The following EXD1 variants were observed in gnomAD, a reference collection of about 807,000 sequenced individuals.
EXD1 encodes the protein piRNA biogenesis protein EXD1.
EXD1 carries 63 observed loss-of-function variants against 49.1 expected under a neutral mutation model. The ratio of observed to expected loss-of-function variants is 1.28; its 90% CI spans 1.05 to 1.58. The LOEUF is 1.58. Among genes scored for constraint, EXD1 ranks in the 40% most tolerant of loss-of-function variants. EXD1 has a pLI of 0.00. For synonymous variants in EXD1, 234 were observed against 239.2 expected (o/e 0.98, Z 0.20); for missense variants, 748 against 666.0 (o/e 1.12, Z -1.36).
intron 11 of EXD1, 142 bp downstream of exon 11, chr15:41,189,795 C>T: frequency 1.4e-6 from 1 of 717,038 alleles, no homozygotes; most frequent in Non-Finnish European, 2.3e-6. Context: ...ATGGATCATG[C>T]CCAAGCTGTT....
chr15:41,221,416 C>G (rs1232864825), intron 2 of EXD1, among the ~76,000 whole-genome samples: 1 of 151,548 alleles, frequency 6.6e-6, no homozygotes, highest in African/African-American at 2.4e-5. Context: ...GGACTGCAGG[C>G]TTGTGCCAGC....
chr15:41,215,558 C>A (rs1472982344), intron 6 of EXD1, among the ~76,000 whole-genome samples: 1 of 151,868 alleles, frequency 6.6e-6, no homozygotes, highest in African/African-American at 2.4e-5. Flanking sequence ...TGGTGGCGGG[C>A]ACCTGTAGTC....
In EXD1 at chr15:41,209,549, T is replaced by A; in HGVS notation, c.486A>T (p.Ala162=). ...GGCGACATACATTCGCTCCTTCTGC[T>A]GCCACACTCAGGACATTCTGCTTCT... The part of the protein sequence containing the change: ...HIKKQNVLSV[A]AEGANVCRHG... Residue 162 remains alanine (A), a synonymous_variant, in exon 7 of 12, where the codon GCA becomes GCT. Transcript: ENST00000458580. 6.2e-7 allele frequency: 1 copy of A among 1,614,218 alleles called. No homozygotes were observed.
chr15:41,192,245 A>T (rs1250225158), intron 9 of EXD1: 1 of 152,492 alleles, frequency 6.6e-6, no homozygotes, highest in Non-Finnish European at 1.5e-5. Flanking sequence ...ATGACTACAG[A>T]CACAACCCAT....
chr15:41,183,791 G>A lies in EXD1; in HGVS notation c.*140C>T. On this transcript the variant is annotated 3_prime_UTR_variant, in exon 12 of 12. Coordinates refer to ENST00000458580, the MANE Select transcript of EXD1 (RefSeq NM_001286441.2). ...CATTCTCCGCATACCAGGAACACAGGAGTAAGCAAGAGGATATAATTTTCC... is the reference window on the plus strand; with the variant it reads ...CATTCTCCGCATACCAGGAACACAGAAGTAAGCAAGAGGATATAATTTTCC... 1 of 701,760 alleles carries A rather than the reference G, an allele frequency of 1.4e-6. No individual in the cohort carries two copies. The highest frequency in any genetic ancestry group is 2.3e-5 in the South Asian group (1 of 42,962). 43.5% of individuals were successfully genotyped at this position (701,760 alleles called of 1,614,324 possible). A position where few individuals can be genotyped will look rare whatever the true frequency, so the allele number is the denominator to read the frequency against.
At chr15:41,220,487 T>C (rs1263572593) in intron 2 of EXD1, among the ~76,000 whole-genome samples, 3 of 152,178 alleles carry the variant, frequency 2.0e-5, no homozygotes, top group Non-Finnish European at 4.4e-5. Flanking sequence ...CTCGATCTCC[T>C]GACCTTGTGA....
Position 41,226,461 on chromosome 15 carries a change from T to A in EXD1, c.115A>T (p.Ile39Phe), listed in dbSNP as rs2140910100. ...ACAAGACCTTTCTTCAGGACAACAA[T>A]CTTATTAGGGTCAACATGCTGAAGC... ...GVLQHVDPNKIVVLKKVKNVE... is the reference protein window; with the variant it reads ...GVLQHVDPNKFVVLKKVKNVE... Residue 39 changes from isoleucine (I) to phenylalanine (F), a missense_variant, in exon 2 of 12, where the codon ATT (isoleucine) becomes TTT (phenylalanine). Ile to Phe is a conservative substitution (Grantham distance 21). Coordinates refer to ENST00000458580, the MANE Select transcript of EXD1 (RefSeq NM_001286441.2). The A allele has an allele frequency of 6.5e-7, 1 of 1,535,948 alleles. No individual in the cohort carries two copies. Among genetic ancestry groups the A allele is most frequent in the South Asian group, 1.2e-5 (1 of 84,046 alleles).
At chr15:41,217,334 C>T (rs2047015731) in intron 3 of EXD1, among the ~76,000 whole-genome samples, 180 bp from the exon 4 acceptor site, 1 of 152,092 alleles carries the variant, frequency 6.6e-6, no homozygotes, top group Non-Finnish European at 1.5e-5. Flanking sequence ...ATCTAAAGTA[C>T]CAAAGACTCT....
chr15:41,224,912 G>A (rs149189334), intron 2 of EXD1, among the ~76,000 whole-genome samples: 2 of 152,038 alleles, frequency 1.3e-5, no homozygotes, highest in East Asian at 3.9e-4. Context: ...GCAGCGAGCC[G>A]TGATCACACC....
rs533864531 is a variant in EXD1 at position 41,184,723 on chromosome 15, C to T, written c.1057-130G>A. ...AGGCTGAAGTGCAGTGGCACGATCT[C>T]GGCTCACTGCAAGCTCTGCCTCCTG... On this transcript the variant is annotated intron_variant, in intron 11 of 11. Transcript: ENST00000458580. The T allele has an allele frequency of 1.5e-4, 138 of 923,800 alleles. No homozygotes were observed. The South Asian group carries it at 2.4e-3, about 16-fold the overall frequency. The allele number at this position is 923,800 out of a possible 1,614,324, so 57.2% of individuals were successfully genotyped here. A position where few individuals can be genotyped will look rare whatever the true frequency, so the allele number is the denominator to read the frequency against.
At chr15:41,203,207 G>A (rs1266760961) in intron 7 of EXD1, among the ~76,000 whole-genome samples, 3 of 152,092 alleles carry the variant, frequency 2.0e-5, no homozygotes, top group Non-Finnish European at 2.9e-5. Context: ...GCTGGAAACA[G>A]GGGAATGGGC....
Position 41,183,928 on chromosome 15 carries a change from T to A in EXD1, c.*3A>T, listed in dbSNP as rs1156350749. On this transcript the variant is annotated 3_prime_UTR_variant, in exon 12 of 12. Coordinates refer to ENST00000458580, the MANE Select transcript of EXD1 (RefSeq NM_001286441.2). ...TATGGCCTTAAGAACAAACTGCCCA[T>A]CTCTAGGGCAGATTTAGAAAAGGAC... 2 of 1,578,832 alleles carry A rather than the reference T, an allele frequency of 1.3e-6. No homozygotes were observed. The highest frequency in any genetic ancestry group is 1.7e-6 in the Non-Finnish European group (2 of 1,163,818).
chr15:41,219,817 A>AT lies in EXD1; in HGVS notation c.202+12dup. ...CTCAGTACTAGCATTTTCAAGGAACATGGGGGTCTCACCATTCACAATCTC... is the reference window on the plus strand; with the variant it reads ...CTCAGTACTAGCATTTTCAAGGAACATTGGGGGTCTCACCATTCACAATCTC... On this transcript the variant is annotated intron_variant, in intron 3 of 11. Transcript: ENST00000458580. 1 of 1,533,226 alleles carries AT rather than the reference A, an allele frequency of 6.5e-7. No homozygotes were observed. Among genetic ancestry groups the AT allele is most frequent in the Middle Eastern group, 1.7e-4 (1 of 5,986 alleles). The allele number at this position is 1,533,226 out of a possible 1,614,324, so 95.0% of individuals were successfully genotyped here. A position where few individuals can be genotyped will look rare whatever the true frequency, so the allele number is the denominator to read the frequency against.
At position 41,191,535 on chromosome 15, in the gene EXD1, G is replaced by A; in HGVS notation, c.771C>T (p.Asn257=). 1 of 1,614,060 alleles carries A rather than the reference G, an allele frequency of 6.2e-7. No individual in the cohort carries two copies. The highest frequency in any genetic ancestry group is 1.3e-5 in the African/African-American group (1 of 75,052). Residue 257 remains asparagine (N), a synonymous_variant, in exon 10 of 12, where the codon AAC becomes AAT. Coordinates refer to ENST00000458580, the MANE Select transcript of EXD1 (RefSeq NM_001286441.2). ...FSMETGGYLP[N]CITTLQESLI... is the part of the protein sequence containing the mutation. ...AACTCTCCTGCAAAGTAGTGATGCA[G>A]TTTGGAAGATAGCCACCCGTTTCCA...
At chr15:41,214,919 G>A (rs1378827210) in intron 6 of EXD1, among the ~76,000 whole-genome samples, 2 of 151,936 alleles carry the variant, frequency 1.3e-5, no homozygotes, top group Non-Finnish European at 2.9e-5. Context: ...CTATTTTTTT[G>A]TATTTTTAGT....
intron 11 of EXD1, among the ~76,000 whole-genome samples, chr15:41,188,380 C>T (rs989458064): frequency 6.7e-6 from 1 of 150,148 alleles, no homozygotes; most frequent in Non-Finnish European, 1.5e-5. Flanking sequence ...CCTCCCCTTC[C>T]CTCTCATTTC....
chr15:41,191,636 T>A, intron 9 of EXD1, 51 bp from the exon 10 acceptor site: 3 of 1,513,486 alleles, frequency 2.0e-6, no homozygotes, highest in Non-Finnish European at 2.7e-6. Flanking sequence ...TACAGAGAGC[T>A]ATCTCATGCC....
At chr15:41,222,973 TG>T (rs1485182628) in intron 2 of EXD1, among the ~76,000 whole-genome samples, 2 of 144,698 alleles carry the variant, frequency 1.4e-5, no homozygotes, top group East Asian at 4.1e-4. Flanking sequence ...TTTTTAGAGG[TG>T]GGGTCTTGTG....
intron 11 of EXD1, 60 bp from the exon 12 acceptor site, chr15:41,184,653 A>AAGTTT: frequency 6.9e-7 from 1 of 1,442,290 alleles, no homozygotes; most frequent in Non-Finnish European, 9.1e-7. Context: ...TGGTACTTAA[A>AAGTTT]ATCACTTTTT....
Sources: allele counts gnomAD v4.1 joint callset (sites outside exome capture counted in the v4.1 genomes callset), GRCh38; gene constraint gnomAD v4.1.1; transcripts MANE v1.5; gene names NCBI Gene and HGNC (gene_info 2026-07-23, HGNC 2026-07-21).